Variants in NSL1 observed in about 807,000 individuals in gnomAD.
The protein encoded by NSL1 is kinetochore-associated protein NSL1 homolog.
Under a neutral mutation model 25.4 loss-of-function variants are expected in NSL1, and 11 were observed. The observed-to-expected ratio is 0.43, with a 90% CI of 0.27 to 0.72. The LOEUF (loss-of-function observed/expected upper bound fraction) is 0.72. Among genes scored for constraint, NSL1 ranks in the 30% least tolerant of loss-of-function variants. The probability of loss-of-function intolerance (pLI) is 0.19; values close to 1 mark genes in which losing one functional copy is unlikely to be tolerated. For synonymous variants in NSL1, 118 were observed against 120.6 expected, an observed-to-expected ratio of 0.98 and a Z score of 0.14; for missense variants, 330 against 342.7, an observed-to-expected ratio of 0.96 and a Z score of 0.29.
chr1:212,781,527 A>AT (rs1241632869), intron 4 of NSL1, among the ~76,000 whole-genome samples: 1 of 126,252 alleles, frequency 7.9e-6, no homozygotes, highest in Non-Finnish European at 1.9e-5. Flanking sequence ...GAGTAGCTTT[A>AT]TGCTTATACT....
In NSL1 at chr1:212,735,606, T is replaced by C; in HGVS notation, c.*2802A>G. The stretch of plus-strand genomic sequence containing the variant: ...AAAATCTGTATGATGAAGCCTTAAC[T>C]CCCATGTGCCTATAGCTGTATTTGG... On this transcript the variant is annotated 3_prime_UTR_variant, in exon 6 of 6. Coordinates refer to ENST00000366977, the MANE Select transcript of NSL1 (RefSeq NM_015471.4). 1 of 863,690 alleles carries C rather than the reference T, an allele frequency of 1.2e-6. No homozygotes were observed. The highest frequency in any genetic ancestry group is 5.3e-5 in the South Asian group (1 of 18,866). 53.5% of individuals were successfully genotyped at this position (863,690 alleles called of 1,614,324 possible). A position where few individuals can be genotyped will look rare whatever the true frequency, so the allele number is the denominator to read the frequency against.
chr1:212,783,947 T>C (rs184449285), intron 3 of NSL1, among the ~76,000 whole-genome samples: 136 of 152,166 alleles, frequency 8.9e-4, no homozygotes, highest in African/African-American at 2.8e-3. Flanking sequence ...ACTAAAACAA[T>C]CTTCATCATC....
rs1285118291 is a variant in NSL1 at position 212,729,768 on chromosome 1, G to A, written c.*8640C>T. The A allele has an allele frequency of 8.1e-6, 8 of 985,160 alleles. No homozygotes were observed. The highest frequency in any genetic ancestry group is 1.7e-5 in the African/African-American group (1 of 57,196). The allele number at this position is 985,160 out of a possible 1,614,324, so 61.0% of individuals were successfully genotyped here. A position where few individuals can be genotyped will look rare whatever the true frequency, so the allele number is the denominator to read the frequency against. On this transcript the variant is annotated 3_prime_UTR_variant, in exon 6 of 6. Coordinates refer to ENST00000366977, the MANE Select transcript of NSL1 (RefSeq NM_015471.4). ...ATCCGCTCTTCTGGTGGAGATGCTC[G>A]GCTATAAAACGGCTCAAAAGAACAG...
At chr1:212,762,306 C>CAAAA (rs71147025) in intron 4 of NSL1, among the ~76,000 whole-genome samples, 3,029 of 114,198 alleles carry the variant, frequency 0.027, 115 homozygotes, top group African/African-American at 0.08. Context: ...TTAAAAGAAA[C>CAAAA]AAAAAAAAAA....
rs1657945866 is a variant in NSL1 at position 212,729,999 on chromosome 1, A to C, written c.*8409T>G. ...GGCGTGGCGGCTCACTCCTGTAATC[A>C]CAGCACTTTGGGAGGCCAGGGCGAG... is the stretch of plus-strand genomic sequence containing the variant. On this transcript the variant is annotated 3_prime_UTR_variant, in exon 6 of 6. Transcript: ENST00000366977. 1.0e-6 allele frequency: 1 copy of C among 984,132 alleles called. No homozygotes were observed. The highest frequency in any genetic ancestry group is 6.2e-5 in the Admixed American group (1 of 16,222). The allele number at this position is 984,132 out of a possible 1,614,324, so 61.0% of individuals were successfully genotyped here.
chr1:212,728,852 G>A lies in NSL1; in HGVS notation c.*9556C>T. 1 of 985,396 alleles carries A rather than the reference G, an allele frequency of 1.0e-6. No homozygotes were observed. The highest frequency in any genetic ancestry group is 1.2e-6 in the Non-Finnish European group (1 of 829,914). 61.0% of individuals were successfully genotyped at this position (985,396 alleles called of 1,614,324 possible). ...AGAAAATTAAGTCTAGTGTTTGCAG[G>A]AGGGCAAGACTGGGAGTGCTGGGGG... On this transcript the variant is annotated 3_prime_UTR_variant, in exon 6 of 6. Transcript: ENST00000366977.
At position 212,727,689 on chromosome 1, in the gene NSL1, C is replaced by A. The variant is rs1300913599; in HGVS notation, c.*10719G>T. 1.0e-6 allele frequency: 1 copy of A among 984,958 alleles called. No homozygotes were observed. The highest frequency in any genetic ancestry group is 1.2e-6 in the Non-Finnish European group (1 of 829,716). 61.0% of individuals were successfully genotyped at this position (984,958 alleles called of 1,614,324 possible). ...AACAATCAGGACTGTTAGCTTCCCA[C>A]GATGAAAGAATGACTAGCTATGATG... On this transcript the variant is annotated 3_prime_UTR_variant, in exon 6 of 6. Coordinates refer to ENST00000366977, the MANE Select transcript of NSL1 (RefSeq NM_015471.4).
intron 4 of NSL1, among the ~76,000 whole-genome samples, chr1:212,742,092 T>C (rs1048924717): frequency 1.3e-5 from 2 of 152,184 alleles, no homozygotes; most frequent in African/African-American, 4.8e-5. Context: ...CCCATTACTA[T>C]TCTAAAGCAA....
intron 3 of NSL1, among the ~76,000 whole-genome samples, chr1:212,783,899 C>T (rs1330042763): frequency 2.0e-5 from 3 of 152,070 alleles, no homozygotes; most frequent in East Asian, 3.8e-4. Context: ...ACAAATTACA[C>T]CCAATTCATA....
At chr1:212,777,500 G>A (rs919403851) in intron 4 of NSL1, among the ~76,000 whole-genome samples, 4 of 152,206 alleles carry the variant, frequency 2.6e-5, no homozygotes, top group Admixed American at 6.5e-5. Flanking sequence ...TAAATGAATA[G>A]AGAGCTCTGC....
chr1:212,769,364 G>A (rs1215304289), intron 4 of NSL1, among the ~76,000 whole-genome samples: 1 of 152,030 alleles, frequency 6.6e-6, no homozygotes, highest in East Asian at 1.9e-4. Flanking sequence ...CTAAAAACAG[G>A]AGAAAGGCCT....
chr1:212,789,618 G>T (rs1661091598), intron 1 of NSL1, among the ~76,000 whole-genome samples: 1 of 152,152 alleles, frequency 6.6e-6, no homozygotes, highest in South Asian at 2.1e-4. Flanking sequence ...TGTTTTTAAA[G>T]AAAATCTGCT....
chr1:212,731,186 G>GAAA lies in NSL1; in HGVS notation c.*7219_*7221dup, dbSNP rs35088304. 2.4e-4 allele frequency: 218 copies of GAAA among 893,164 alleles called. No homozygotes were observed. Among genetic ancestry groups the GAAA allele is most frequent in the Middle Eastern group, 5.6e-4 (1 of 1,788 alleles). 55.3% of individuals were successfully genotyped at this position (893,164 alleles called of 1,614,324 possible). On this transcript the variant is annotated 3_prime_UTR_variant, in exon 6 of 6. Coordinates refer to ENST00000366977, the MANE Select transcript of NSL1 (RefSeq NM_015471.4). ...TTGCAAAACAAATGGTCAGAGGGGA[G>GAAA]AAAAAAAAAAAAACCTGAAGAAACC...
intron 4 of NSL1, among the ~76,000 whole-genome samples, chr1:212,746,497 AAAAGT>A (rs1473556003): frequency 6.6e-6 from 1 of 152,222 alleles, no homozygotes; most frequent in African/African-American, 2.4e-5. Context: ...GTGGAAGTAA[AAAAGT>A]ATAGAAAACA....
intron 4 of NSL1, among the ~76,000 whole-genome samples, chr1:212,745,552 G>A (rs1658749651): frequency 6.6e-6 from 1 of 152,080 alleles, no homozygotes; most frequent in African/African-American, 2.4e-5. Context: ...TAGAGCACTG[G>A]GAGGATATGG....
rs113350757 is a variant in NSL1 at position 212,779,348 on chromosome 1, C to T, written c.499+3024G>A. ...GAGGGAGGTGGGGGGGTCAGCCCCC[C>T]TCCCGGCCAGCCGCCCCATCTCAGA... On this transcript the variant is annotated intron_variant, in intron 4 of 5. Transcript: ENST00000366977. Among the ~76,000 whole-genome samples the T allele has an allele frequency of 8.9e-5, 12 of 134,510 alleles. 1 individual carries two copies. In the East Asian group the frequency reaches 2.1e-3, roughly 24 times the overall value. The allele number at this position is 134,510 out of a possible 152,430, so 88.2% of individuals were successfully genotyped here. A position where few individuals can be genotyped will look rare whatever the true frequency, so the allele number is the denominator to read the frequency against.
intron 4 of NSL1, among the ~76,000 whole-genome samples, chr1:212,780,939 T>C (rs1033807597): frequency 2.0e-5 from 3 of 152,138 alleles, no homozygotes; most frequent in African/African-American, 4.8e-5. Flanking sequence ...GCCTAAAGCA[T>C]CAGGCGGCAA....
intron 4 of NSL1, among the ~76,000 whole-genome samples, chr1:212,743,901 G>A (rs1012768972): frequency 6.6e-6 from 1 of 152,158 alleles, no homozygotes; most frequent in Admixed American, 6.5e-5. Flanking sequence ...TAACAGAGTA[G>A]ACTCTGCTCT....
Position 212,727,297 on chromosome 1 carries a change from A to G in NSL1, c.*11111T>C. 7.6e-7 allele frequency: 1 copy of G among 1,317,290 alleles called. No individual in the cohort carries two copies. The highest frequency in any genetic ancestry group is 3.0e-5 in the East Asian group (1 of 33,150). The allele number at this position is 1,317,290 out of a possible 1,614,324, so 81.6% of individuals were successfully genotyped here. On this transcript the variant is annotated 3_prime_UTR_variant, in exon 6 of 6. Coordinates refer to ENST00000366977, the MANE Select transcript of NSL1 (RefSeq NM_015471.4). ...TGTTTCACAACCCTTTGTTCCAGGCAGGGCCCAGGATCCCCTTCCAAATTA... is the reference window on the plus strand; with the variant it reads ...TGTTTCACAACCCTTTGTTCCAGGCGGGGCCCAGGATCCCCTTCCAAATTA...
Sources: allele counts gnomAD v4.1 joint callset (sites outside exome capture counted in the v4.1 genomes callset), GRCh38; gene constraint gnomAD v4.1.1; transcripts MANE v1.5; gene names NCBI Gene and HGNC (gene_info 2026-07-23, HGNC 2026-07-21).